CDH13: variants seen among roughly 807,000 people sequenced by gnomAD.
CDH13 encodes the protein cadherin-13.
Under a neutral mutation model 63.8 loss-of-function variants are expected in CDH13, and 24 were observed. The ratio of observed to expected loss-of-function variants is 0.38; its 90% CI spans 0.27 to 0.53. The LOEUF (loss-of-function observed/expected upper bound fraction) is 0.53. Among genes scored for constraint, CDH13 ranks in the 20% least tolerant of loss-of-function variants. The probability of loss-of-function intolerance (pLI) is 0.85; values close to 1 mark genes in which losing one functional copy is unlikely to be tolerated. For synonymous variants in CDH13, 503 were observed against 355.3 expected, an observed-to-expected ratio of 1.42 and a Z score of -4.67; for missense variants, 1,049 against 903.1, an observed-to-expected ratio of 1.16 and a Z score of -2.07.
At chr16:83,171,560 G>A (rs2037918573) in intron 4 of CDH13, 1 of 1,533,994 alleles carries the variant, frequency 6.5e-7, no homozygotes, top group Non-Finnish European at 8.7e-7. Flanking sequence ...CACGATGGCT[G>A]ACATGAGATA....
At chr16:83,052,532 C>T (rs2030452643) in intron 3 of CDH13, among the ~76,000 whole-genome samples, 2 of 152,146 alleles carry the variant, frequency 1.3e-5, no homozygotes, top group South Asian at 4.1e-4. Context: ...GTAATCCCAA[C>T]AGTTTGGGAG....
At chr16:83,717,924 A>G (rs1375449098) in intron 10 of CDH13, 1 of 152,204 alleles carries the variant, frequency 6.6e-6, no homozygotes, top group African/African-American at 2.4e-5. Flanking sequence ...AAACAACTGG[A>G]ACTAATTCAC....
chr16:82,676,486 CTTTTTTTTTT>C (rs11330492), intron 1 of CDH13, among the ~76,000 whole-genome samples: 2 of 96,372 alleles, frequency 2.1e-5, no homozygotes, highest in Non-Finnish European at 4.1e-5. Flanking sequence ...ACCATCATTT[CTTTTTTTTTT>C]TTTTTTTTTT....
intron 6 of CDH13, among the ~76,000 whole-genome samples, chr16:83,478,159 C>CAA (rs1215717989): frequency 0.028 from 3,740 of 134,238 alleles, 80 homozygotes; most frequent in Middle Eastern, 0.046. Flanking sequence ...GACTCCGTCT[C>CAA]AAAAAAAAAA....
At chr16:83,223,132 C>T (rs893406591) in intron 5 of CDH13, among the ~76,000 whole-genome samples, 3 of 152,142 alleles carry the variant, frequency 2.0e-5, no homozygotes, top group African/African-American at 2.4e-5. Flanking sequence ...AACAAAATAT[C>T]GGAGCCTGGG....
chr16:83,320,760 G>C (rs778154100), intron 5 of CDH13, among the ~76,000 whole-genome samples: 1 of 152,128 alleles, frequency 6.6e-6, no homozygotes, highest in Non-Finnish European at 1.5e-5. Flanking sequence ...CCAAGCGCAA[G>C]GAATGAGAAA....
chr16:82,858,290 C>T (rs992699924), intron 1 of CDH13, 72 bp from the exon 2 acceptor site: 54 of 946,048 alleles, frequency 5.7e-5, no homozygotes, highest in African/African-American at 3.9e-4. Flanking sequence ...CTAAAAGTTG[C>T]GGATTTGGCG....
At chr16:83,123,993 C>T (rs544218222) in intron 3 of CDH13, among the ~76,000 whole-genome samples, 13 of 152,080 alleles carry the variant, frequency 8.5e-5, no homozygotes, top group South Asian at 2.1e-4. Flanking sequence ...GTTGGCCCGT[C>T]GTACGTGTCC....
intron 13 of CDH13, among the ~76,000 whole-genome samples, chr16:83,789,692 G>C (rs1020163958): frequency 6.6e-6 from 1 of 152,146 alleles, no homozygotes; most frequent in Non-Finnish European, 1.5e-5. Flanking sequence ...CTCAGCCATA[G>C]TCCTTACAAG....
At chr16:82,991,606 C>T (rs570214708) in intron 2 of CDH13, among the ~76,000 whole-genome samples, 1 of 152,212 alleles carries the variant, frequency 6.6e-6, no homozygotes, top group South Asian at 2.1e-4. Flanking sequence ...TAAAACTTAC[C>T]CTTGACATGT....
intron 2 of CDH13, among the ~76,000 whole-genome samples, chr16:82,904,295 C>T (rs17674776): frequency 0.12 from 18,946 of 152,080 alleles, 1,276 homozygotes; most frequent in African/African-American, 0.13. Flanking sequence ...TTTTGGAAAT[C>T]CTAGTACTTC....
chr16:83,509,686 A>G (rs938525259), intron 7 of CDH13, among the ~76,000 whole-genome samples: 30 of 152,328 alleles, frequency 2.0e-4, no homozygotes, highest in African/African-American at 7.0e-4. Flanking sequence ...AGGGAATAAG[A>G]CAAATTTGAT....
chr16:83,421,013 C>T (rs2071698743), intron 6 of CDH13, among the ~76,000 whole-genome samples: 1 of 152,178 alleles, frequency 6.6e-6, no homozygotes, highest in African/African-American at 2.4e-5. Flanking sequence ...GGATGGTGTC[C>T]ACCCACAATG....
At chr16:82,989,237 TG>T (rs1911350203) in intron 2 of CDH13, among the ~76,000 whole-genome samples, 1 of 152,160 alleles carries the variant, frequency 6.6e-6, no homozygotes, top group African/African-American at 2.4e-5. Flanking sequence ...GGGCTGTCTG[TG>T]GGGCCTATAT....
At chr16:83,117,124 A>G (rs1187158206) in intron 3 of CDH13, among the ~76,000 whole-genome samples, 7 of 152,196 alleles carry the variant, frequency 4.6e-5, no homozygotes, top group East Asian at 3.9e-4. Flanking sequence ...CAAAGCAGCT[A>G]TGATCTGTTT....
intron 1 of CDH13, among the ~76,000 whole-genome samples, chr16:82,809,201 G>C (rs1271403790): frequency 6.6e-6 from 1 of 151,860 alleles, no homozygotes; most frequent in African/African-American, 2.4e-5. Flanking sequence ...ACTGTCACCA[G>C]TGTTTCGTGT....
intron 7 of CDH13, among the ~76,000 whole-genome samples, chr16:83,528,464 C>G (rs760573043): frequency 5.9e-5 from 9 of 152,160 alleles, no homozygotes; most frequent in Non-Finnish European, 1.2e-4. Flanking sequence ...AGTGAAACAT[C>G]AACTCCCATG....
intron 4 of CDH13, among the ~76,000 whole-genome samples, chr16:83,163,128 T>A (rs1043832185): frequency 6.6e-6 from 1 of 152,160 alleles, no homozygotes; most frequent in African/African-American, 2.4e-5. Flanking sequence ...AGTTCTCTTC[T>A]CTTATCTGCC....
chr16:82,737,455 T>A (rs1230589117), intron 1 of CDH13, among the ~76,000 whole-genome samples: 3 of 152,214 alleles, frequency 2.0e-5, no homozygotes, highest in African/African-American at 7.2e-5. Flanking sequence ...ACAAAAGAAA[T>A]ATAATCCTTG....
Sources: gnomAD v4.1 joint callset for allele counts (sites outside exome capture counted in the v4.1 genomes callset) on GRCh38, gnomAD v4.1.1 for gene constraint, MANE v1.5 for transcripts, NCBI Gene and HGNC (gene_info 2026-07-23, HGNC 2026-07-21) for gene names.